Variants in APP observed in about 807,000 individuals in gnomAD.
APP encodes amyloid beta precursor protein, also known as amyloid-beta precursor protein.
A neutral mutation model predicts 101.4 loss-of-function variants in APP; 31 were observed. The observed-to-expected ratio is 0.31, with a 90% confidence interval of 0.23 to 0.41. The LOEUF (loss-of-function observed/expected upper bound fraction) is 0.41. APP is among the 10% of genes least tolerant of loss of function. APP has a pLI of 1.00. For synonymous variants in APP, 366 were observed against 364.4 expected (o/e 1.00, Z -0.05); for missense variants, 839 against 1,003.7 (o/e 0.84, Z 2.22).
At chr21:25,917,090 G>A (rs169963) in intron 13 of APP, among the ~76,000 whole-genome samples, 96,896 of 151,776 alleles carry the variant, frequency 0.64, 35,162 homozygotes, top group Non-Finnish European at 0.81. Context: ...GTGAAACCCC[G>A]TCTCTACTAA....
intron 1 of APP, among the ~76,000 whole-genome samples, chr21:26,165,139 T>C (rs2063579993): frequency 6.6e-6 from 1 of 152,230 alleles, no homozygotes; most frequent in South Asian, 2.1e-4. Flanking sequence ...AATCTGTCAA[T>C]TTCCTGCAAT....
intron 1 of APP, among the ~76,000 whole-genome samples, chr21:26,154,630 A>T (rs1379086750): frequency 6.6e-6 from 1 of 152,194 alleles, no homozygotes; most frequent in African/African-American, 2.4e-5. Context: ...TTAGTACCTT[A>T]GTAACTAAAG....
intron 3 of APP, among the ~76,000 whole-genome samples, chr21:26,086,689 T>C (rs776749122): frequency 9.9e-5 from 15 of 152,226 alleles, no homozygotes; most frequent in Non-Finnish European, 1.8e-4. Context: ...TGTTACCTAC[T>C]ACTACTATAA....
rs1257013422 is a variant in APP, at chr21:25,911,831, G to T, written c.1819C>A (p.Leu607Ile). ...LTETKTTVEL[L>I]PVNGEFSLDD... is the part of the protein sequence containing the mutation. ...AGGCTGAACTCTCCATTCACGGGAA[G>T]GAGCTCCACGGTGGTTTTCGTTTCG... Residue 607 changes from leucine to isoleucine, a missense_variant, in exon 14 of 18, where the codon CTT becomes ATT. By Grantham distance (5) the Leu-to-Ile change is conservative (BLOSUM62 2). Transcript: ENST00000346798. The T allele has an allele frequency of 1.9e-6, 3 of 1,614,190 alleles. No individual in the cohort carries two copies. The South Asian group carries it at 3.3e-5, about 18-fold the overall frequency.
At chr21:25,959,904 T>C (rs1160485450) in intron 11 of APP, among the ~76,000 whole-genome samples, 1 of 152,230 alleles carries the variant, frequency 6.6e-6, no homozygotes, top group Admixed American at 6.5e-5. Flanking sequence ...TCTCATTTAA[T>C]ACTGCCATTC....
intron 9 of APP, 32 bp downstream of exon 9, chr21:25,982,312 G>A (rs199681856): frequency 1.3e-5 from 21 of 1,612,480 alleles, no homozygotes; most frequent in Admixed American, 8.3e-5. Flanking sequence ...TCCCAATATC[G>A]TAGGGCTGAA....
chr21:25,992,804 G>A (rs2042919511), intron 8 of APP, among the ~76,000 whole-genome samples: 1 of 152,152 alleles, frequency 6.6e-6, no homozygotes, highest in Non-Finnish European at 1.5e-5. Context: ...TCCCTCCCTA[G>A]GTTGGTTGGG....
At chr21:25,907,665 CCT>C (rs1336793786) in intron 14 of APP, among the ~76,000 whole-genome samples, 1 of 152,142 alleles carries the variant, frequency 6.6e-6, no homozygotes, top group African/African-American at 2.4e-5. Context: ...AATGGTCAGA[CCT>C]CTGGGATTTT....
At chr21:25,921,296 C>T (rs1407922676) in intron 13 of APP, among the ~76,000 whole-genome samples, 1 of 97,158 alleles carries the variant, frequency 1.0e-5, no homozygotes, top group East Asian at 3.2e-4. Flanking sequence ...AAAATTGACA[C>T]CCTAACATCA....
chr21:26,136,202 A>AAAGAAAGAAAGAAAGAAAGAAAGAAAG (rs137962980), intron 1 of APP, among the ~76,000 whole-genome samples: 3,192 of 100,134 alleles, frequency 0.032, 203 homozygotes, highest in Admixed American at 0.037. Flanking sequence ...AGAAAGAAAG[A>AAAGAAAGAAAGAAAGAAAGAAAGAAAG]AAAGAAAAGA....
At chr21:25,897,301 A>G (rs1349514487) in intron 16 of APP, among the ~76,000 whole-genome samples, 2 of 152,062 alleles carry the variant, frequency 1.3e-5, no homozygotes, top group East Asian at 3.9e-4. Flanking sequence ...TTTTTAGTAG[A>G]GATGGGGTTT....
intron 13 of APP, among the ~76,000 whole-genome samples, chr21:25,929,770 T>C (rs988489153): frequency 6.6e-6 from 1 of 152,232 alleles, no homozygotes; most frequent in Non-Finnish European, 1.5e-5. Flanking sequence ...TTAGTTTTCA[T>C]GCTCTTGCAC....
intron 11 of APP, among the ~76,000 whole-genome samples, chr21:25,974,009 T>A (rs2042135330): frequency 6.6e-6 from 1 of 150,516 alleles, no homozygotes; most frequent in Non-Finnish European, 1.5e-5. Flanking sequence ...GAAAGTTCCT[T>A]CCATTCCAAG....
chr21:26,151,243 C>T (rs935361319), intron 1 of APP, among the ~76,000 whole-genome samples: 6 of 117,424 alleles, frequency 5.1e-5, no homozygotes, highest in Middle Eastern at 4.5e-3. Flanking sequence ...TATTTATATC[C>T]GTGTAATCAT....
chr21:25,952,191 TACA>T (rs2041110139), intron 13 of APP, among the ~76,000 whole-genome samples: 2 of 139,898 alleles, frequency 1.4e-5, no homozygotes, highest in African/African-American at 5.4e-5. Context: ...ATTACATACA[TACA>T]CACACACACA....
At position 25,994,340 on chromosome 21, in the gene APP, T is replaced by TA. The variant is rs1266848089; in HGVS notation, c.1090+3019dup. ...TCCCAAATGAGAAAGGGTTTTTTTTTAATGATTTGAATTCCTATGTTCACG... is the reference window on the plus strand; with the variant it reads ...TCCCAAATGAGAAAGGGTTTTTTTTTAAATGATTTGAATTCCTATGTTCACG... On this transcript the variant is annotated intron_variant, in intron 8 of 17. Coordinates refer to ENST00000346798, the MANE Select transcript of APP (RefSeq NM_000484.4). 3.9e-5 allele frequency among the ~76,000 whole-genome samples: 6 copies of TA among 152,308 alleles called. No individual in the cohort carries two copies. The East Asian group carries it at 9.6e-4, about 24-fold the overall frequency.
Position 25,998,574 on chromosome 21 carries a change from T to G in APP, c.1034-1158A>C, listed in dbSNP as rs576515217. On this transcript the variant is annotated intron_variant, in intron 7 of 17. Transcript: ENST00000346798. ...TAATGGTGCAGGCCCTTCTGTTGTT[T>G]TGCTTAATCCTAAGATCTTGCTGCA... 2.0e-5 allele frequency among the ~76,000 whole-genome samples: 3 copies of G among 152,246 alleles called. No individual in the cohort carries two copies. The South Asian group carries it at 6.2e-4, about 32-fold the overall frequency.
chr21:26,050,158 C>A (rs2045779496), intron 5 of APP, among the ~76,000 whole-genome samples: 1 of 151,938 alleles, frequency 6.6e-6, no homozygotes, highest in Non-Finnish European at 1.5e-5. Flanking sequence ...GAAAAAAAAA[C>A]AAGCATCCTG....
chr21:26,017,868 T>C (rs1358541107), intron 6 of APP, among the ~76,000 whole-genome samples: 1 of 152,184 alleles, frequency 6.6e-6, no homozygotes, highest in Non-Finnish European at 1.5e-5. Flanking sequence ...TAACCAATAA[T>C]ATCCAAGTAT....
Sources: gnomAD v4.1 joint callset for allele counts (sites outside exome capture counted in the v4.1 genomes callset) on GRCh38, gnomAD v4.1.1 for gene constraint, MANE v1.5 for transcripts, NCBI Gene and HGNC (gene_info 2026-07-23, HGNC 2026-07-21) for gene names.